PCDH15: variants seen among roughly 807,000 people sequenced by gnomAD.
PCDH15 encodes the protein protocadherin-15.
A neutral mutation model predicts 178.5 loss-of-function variants in PCDH15; 129 were observed. That is an observed-to-expected ratio of 0.72 (90% CI 0.63 to 0.84). The LOEUF (loss-of-function observed/expected upper bound fraction) is 0.84, where lower values mean the gene tolerates loss of function less well. Among genes scored for constraint, PCDH15 ranks in the 40% least tolerant of loss-of-function variants. PCDH15 has a pLI of 0.00. For missense variants in PCDH15, 2,230 were observed against 2,099.9 expected (o/e 1.06, Z -1.21); for synonymous variants, 800 against 732.0 (o/e 1.09, Z -1.50).
chr10:53,841,387 A>G (rs1342191205), intron 28 of PCDH15, among the ~76,000 whole-genome samples: 1 of 152,088 alleles, frequency 6.6e-6, no homozygotes, highest in Non-Finnish European at 1.5e-5. Flanking sequence ...AGGTTTTTTT[A>G]GGGGGAGAAG....
chr10:55,304,587 T>G (rs1016466429), intron 1 of PCDH15, among the ~76,000 whole-genome samples: 1 of 152,198 alleles, frequency 6.6e-6, no homozygotes. Flanking sequence ...CAAACTGCTT[T>G]TATAAGTCCT....
rs1248201572 is a variant in PCDH15, at chr10:55,395,194, TGTGAGAGAGA to T, written c.-155-228553_-155-228544del. On this transcript the variant is annotated intron_variant, in intron 2 of 5. Coordinates refer to the PCDH15 transcript ENST00000613346. ...GTGTGTGTGTGTGTGTGTGTGTGTG[TGTGAGAGAGA>T]GAGAGAGAGAGAGAGAGAGAGAGAG... Among the ~76,000 whole-genome samples the T allele has an allele frequency of 6.7e-3, 606 of 91,070 alleles. 2 individuals are homozygous for T. Among genetic ancestry groups the T allele is most frequent in the African/African-American group, 0.025 (576 of 22,594 alleles). 59.7% of individuals were successfully genotyped at this position (91,070 alleles called of 152,430 possible).
intron 4 of PCDH15, among the ~76,000 whole-genome samples, chr10:54,375,011 A>G (rs960274398): frequency 1.3e-5 from 2 of 152,136 alleles, no homozygotes; most frequent in African/African-American, 2.4e-5. Flanking sequence ...TATTGCCTCA[A>G]TGAGAAAATG....
intron 2 of PCDH15, among the ~76,000 whole-genome samples, chr10:55,430,464 G>A (rs1203604006): frequency 6.6e-6 from 1 of 152,052 alleles, no homozygotes; most frequent in Admixed American, 6.6e-5. Context: ...TAGAATTTTG[G>A]CTTGAACCTC....
At chr10:54,642,037 C>A (rs940350733) in intron 2 of PCDH15, among the ~76,000 whole-genome samples, 2 of 151,710 alleles carry the variant, frequency 1.3e-5, no homozygotes, top group African/African-American at 4.8e-5. Flanking sequence ...ACTCCCCCCA[C>A]CCATAATTCA....
intron 20 of PCDH15, among the ~76,000 whole-genome samples, chr10:54,018,851 G>T (rs1323656875): frequency 7.2e-5 from 11 of 151,822 alleles, no homozygotes; most frequent in Admixed American, 7.2e-4. Context: ...ATAGTCACTT[G>T]GTAAAATCTG....
chr10:53,968,946 TCTC>T (rs1247764647), intron 21 of PCDH15, among the ~76,000 whole-genome samples: 1 of 152,094 alleles, frequency 6.6e-6, no homozygotes, highest in Non-Finnish European at 1.5e-5. Flanking sequence ...GAGCACCTCT[TCTC>T]CTCCAAAGGA....
intron 2 of PCDH15, among the ~76,000 whole-genome samples, chr10:55,524,974 T>A (rs1042685903): frequency 3.3e-5 from 5 of 151,920 alleles, no homozygotes; most frequent in Middle Eastern, 3.4e-3. Flanking sequence ...AAGTAGTAAT[T>A]TTATGTGAAA....
In PCDH15 at chr10:54,426,404, A is replaced by T. The variant is rs115333382; in HGVS notation, c.158-47462T>A. Among the ~76,000 whole-genome samples the T allele has an allele frequency of 6.4e-3, 981 of 152,286 alleles. 9 individuals are homozygous for T. Among genetic ancestry groups the T allele is most frequent in the African/African-American group, 0.018 (752 of 41,574 alleles). On this transcript the variant is annotated intron_variant, in intron 3 of 37. Transcript: ENST00000644397. ...TAGATCACTTGCATGCACAGTTCAC[A>T]GTAGAGCTGGTGCTTCTATGATAAT...
At chr10:53,873,853 T>C (rs1167113731) in intron 26 of PCDH15, among the ~76,000 whole-genome samples, 2 of 152,118 alleles carry the variant, frequency 1.3e-5, no homozygotes, top group Admixed American at 6.5e-5. Flanking sequence ...ATTGGTTCCT[T>C]TTTGAAAAGA....
At chr10:53,835,659 G>A (rs115845480) in intron 29 of PCDH15, among the ~76,000 whole-genome samples, 1,646 of 152,268 alleles carry the variant, frequency 0.011, 35 homozygotes, top group African/African-American at 0.038. Context: ...GCTTATGCCT[G>A]TAATCTCAAC....
rs577063179 is a variant in PCDH15 at position 55,103,192 on chromosome 10, G to A, written c.-80+63384C>T. Among the ~76,000 whole-genome samples the A allele has an allele frequency of 3.5e-4, 52 of 150,150 alleles. 1 individual carries two copies. The South Asian group carries it at 7.7e-3, about 22-fold the overall frequency. ...TCCTCCTTCTACCATTTGTTTCAGC[G>A]CCAGTGATATCATGGTAACATCCAT... is the stretch of plus-strand genomic sequence containing the variant. On this transcript the variant is annotated intron_variant, in intron 2 of 5. Transcript: ENST00000458638.
intron 2 of PCDH15, among the ~76,000 whole-genome samples, chr10:54,966,428 C>T (rs1220655514): frequency 1.3e-5 from 2 of 152,108 alleles, no homozygotes; most frequent in East Asian, 1.9e-4. Context: ...TTACATAAAC[C>T]TAGATGGTAT....
At chr10:55,098,716 G>A (rs1252017452) in intron 2 of PCDH15, among the ~76,000 whole-genome samples, 1 of 152,064 alleles carries the variant, frequency 6.6e-6, no homozygotes, top group Admixed American at 6.6e-5. Flanking sequence ...GAACCAATTT[G>A]CGGGCTCTAT....
intron 2 of PCDH15, among the ~76,000 whole-genome samples, chr10:55,110,646 A>C (rs1434011308): frequency 1.4e-5 from 2 of 146,686 alleles, no homozygotes; most frequent in South Asian, 2.2e-4. Context: ...AATAACAATG[A>C]AAAAAAAAAA....
chr10:55,187,266 T>C (rs1257329640), intron 1 of PCDH15, among the ~76,000 whole-genome samples: 2 of 152,054 alleles, frequency 1.3e-5, no homozygotes, highest in Admixed American at 1.3e-4. Context: ...ATAAACTCAG[T>C]ATTAATTTTT....
chr10:55,532,536 A>C (rs1008342309), intron 2 of PCDH15, among the ~76,000 whole-genome samples: 1 of 152,080 alleles, frequency 6.6e-6, no homozygotes, highest in African/African-American at 2.4e-5. Context: ...AGAAACTAGT[A>C]ATTTGAAGAA....
intron 20 of PCDH15, among the ~76,000 whole-genome samples, chr10:54,015,719 C>A (rs915939676): frequency 3.3e-5 from 5 of 152,012 alleles, no homozygotes; most frequent in Non-Finnish European, 5.9e-5. Context: ...TGAAACTGGA[C>A]CCCTTCCTTA....
intron 3 of PCDH15, among the ~76,000 whole-genome samples, chr10:54,888,171 G>T (rs1247519764): frequency 1.3e-5 from 2 of 152,108 alleles, no homozygotes; most frequent in Non-Finnish European, 2.9e-5. Flanking sequence ...CTCGGGCTCT[G>T]TTAAACCTTT....
Sources: gnomAD v4.1 joint callset for allele counts (sites outside exome capture counted in the v4.1 genomes callset) on GRCh38, gnomAD v4.1.1 for gene constraint, MANE v1.5 for transcripts, NCBI Gene and HGNC (gene_info 2026-07-23, HGNC 2026-07-21) for gene names.